Variants in BYSL observed in about 807,000 individuals in gnomAD.
BYSL encodes bystin.
A neutral mutation model predicts 45.4 loss-of-function variants in BYSL; 21 were observed. The observed-to-expected ratio is 0.46, with a 90% CI of 0.33 to 0.67. BYSL has a LOEUF of 0.67. Among genes scored for constraint, BYSL ranks in the 30% least tolerant of loss-of-function variants. The pLI, the probability that BYSL is intolerant of heterozygous loss-of-function variation, is 0.02. For synonymous variants in BYSL, 215 were observed against 231.3 expected (o/e 0.93, Z 0.64); for missense variants, 522 against 578.5 (o/e 0.90, Z 1.00).
intron 1 of BYSL, among the ~76,000 whole-genome samples, chr6:41,925,921 T>G (rs1775558086): frequency 6.6e-6 from 1 of 151,994 alleles, no homozygotes; most frequent in African/African-American, 2.4e-5. Flanking sequence ...CCCAATCTCA[T>G]GATCCACCCG....
At chr6:41,928,587 C>G (rs971094238) in intron 2 of BYSL, among the ~76,000 whole-genome samples, 1 of 152,170 alleles carries the variant, frequency 6.6e-6, no homozygotes, top group African/African-American at 2.4e-5. Flanking sequence ...ATAGAGTAGA[C>G]AAGCTCCTTG....
At chr6:41,921,956 G>A (rs1321248269) in intron 1 of BYSL, 126 bp downstream of exon 1, 1 of 1,349,550 alleles carries the variant, frequency 7.4e-7, no homozygotes, top group Non-Finnish European at 9.8e-7. Context: ...ACTTGCAAAG[G>A]AGACTGAACC....
Position 41,932,986 on chromosome 6 carries a change from T to G in BYSL, c.*280T>G. ...CCCAGCTGGGGCTTGGTGTGAGTAC[T>G]TTTTCTATGGCTATTGTGTCAGGTC... On this transcript the variant is annotated 3_prime_UTR_variant, in exon 7 of 7. Transcript: ENST00000230340. The surrounding 1 kb of genome is among the most constrained non-coding windows in gnomAD (Gnocchi z 4.7). The G allele has an allele frequency of 4.6e-6, 2 of 434,298 alleles. No homozygotes were observed. The highest frequency in any genetic ancestry group is 8.4e-6 in the Non-Finnish European group (2 of 238,820). 26.9% of individuals were successfully genotyped at this position (434,298 alleles called of 1,614,324 possible).
upstream of BYSL, chr6:41,917,743 A>G (rs1775352204): frequency 4.3e-6 from 2 of 470,470 alleles, no homozygotes; most frequent in South Asian, 3.1e-5. Flanking sequence ...CAACTCTTTC[A>G]GTTCTGACTA....
chr6:41,931,817 G>A lies in BYSL; in HGVS notation c.955G>A (p.Val319Met), dbSNP rs1582075178. ...GSIITKCSIP[V>M]LHSSAAMLKI... ...CATCATCACCAAGTGCTCCATCCCT[G>A]TGTTGCACTCCAGGTAGTATTGCTG... Residue 319 changes from valine to methionine, a missense_variant, in exon 6 of 7, where the codon GTG becomes ATG. By Grantham distance (21) the Val-to-Met change is conservative (BLOSUM62 1). Coordinates refer to ENST00000230340, the MANE Select transcript of BYSL (RefSeq NM_004053.4). The A allele has an allele frequency of 5.0e-6, 8 of 1,613,674 alleles. No individual in the cohort carries two copies. The highest frequency in any genetic ancestry group is 2.2e-5 in the East Asian group (1 of 44,870).
upstream of BYSL, among the ~76,000 whole-genome samples, chr6:41,918,824 G>GT (rs1775383281): frequency 1.3e-5 from 2 of 150,260 alleles, no homozygotes. Context: ...GCGGGCGCCT[G>GT]TAGTCCCAGC....
upstream of BYSL, chr6:41,917,570 G>A (rs1165496890): frequency 8.9e-6 from 3 of 338,632 alleles, no homozygotes; most frequent in African/African-American, 4.3e-5. Context: ...GTCCCTGAGA[G>A]CCCCTCTAAG....
At chr6:41,920,998 G>A, upstream of BYSL, 1 of 1,612,606 alleles carries the variant, frequency 6.2e-7, no homozygotes, top group African/African-American at 1.3e-5. Flanking sequence ...ACCCCCTGCA[G>A]TCCTACCAAG....
chr6:41,910,067 A>G, the BYSL span, among the ~76,000 whole-genome samples: 5 of 152,092 alleles, frequency 3.3e-5, no homozygotes, highest in South Asian at 1.0e-3. Context: ...ATGGGATCCA[A>G]GCTGTGATAG....
Position 41,931,769 on chromosome 6 carries a change from C to T in BYSL, c.907C>T (p.Arg303Trp), listed in dbSNP as rs764063989. 13 of 1,613,980 alleles carry T rather than the reference C, an allele frequency of 8.1e-6. No homozygotes were observed. In the East Asian group the frequency reaches 1.3e-4, roughly 17 times the overall value. ...GTGCGAGTCTGGCACTTGTACCCTC[C>T]GGGAAGCCATCATTGTGGGTAGCAT... ...PLCESGTCTL[R>W]EAIIVGSIIT... Residue 303 changes from arginine (R) to tryptophan (W), a missense_variant, in exon 6 of 7, where the codon CGG becomes TGG. Physicochemically the swap from Arg to Trp is moderately radical, Grantham distance 101. Transcript: ENST00000230340.
chr6:41,927,568 T>C, intron 2 of BYSL, 32 bp downstream of exon 2: 2 of 1,606,304 alleles, frequency 1.2e-6, no homozygotes, highest in Non-Finnish European at 1.7e-6. Flanking sequence ...AATGAGTCCT[T>C]GTAGAAAGTT....
chr6:41,931,502 C>T lies in BYSL; in HGVS notation c.811C>T (p.His271Tyr), dbSNP rs776180191. Residue 271 changes from histidine to tyrosine, a missense_variant, in exon 5 of 7, where the codon CAT becomes TAT. Coordinates refer to ENST00000230340, the MANE Select transcript of BYSL (RefSeq NM_004053.4). Reference sequence around the variant, plus strand: ...TGCTGAATACAAACGACTCAACTTCCATCTCTACATGGCTCTCAAGAAGGC... The same window carrying T: ...TGCTGAATACAAACGACTCAACTTCTATCTCTACATGGCTCTCAAGAAGGC... ...DVAEYKRLNF[H>Y]LYMALKKALF... The T allele has an allele frequency of 6.2e-6, 10 of 1,614,168 alleles. No individual in the cohort carries two copies. In the East Asian group the frequency reaches 1.6e-4, roughly 25 times the overall value.
the BYSL span, among the ~76,000 whole-genome samples, chr6:41,911,335 G>A: frequency 6.6e-6 from 1 of 151,666 alleles, no homozygotes; most frequent in South Asian, 2.1e-4. Flanking sequence ...ATTTTTAGTA[G>A]AGACGGGGTT....
chr6:41,927,725 A>T, intron 2 of BYSL, 189 bp downstream of exon 2: 1 of 629,436 alleles, frequency 1.6e-6, no homozygotes, highest in Non-Finnish European at 2.7e-6. Flanking sequence ...GCCTCAAAAA[A>T]CATTGTGTCC....
intron 6 of BYSL, 57 bp downstream of exon 6, chr6:41,931,887 G>A: frequency 6.6e-7 from 1 of 1,522,210 alleles, no homozygotes; most frequent in South Asian, 1.1e-5. Context: ...TAGTGGAATT[G>A]CCAGGACTTG....
chr6:41,909,075 G>T, the BYSL span: 2 of 688,638 alleles, frequency 2.9e-6, no homozygotes, highest in Non-Finnish European at 4.8e-6. Flanking sequence ...TTGGGAGACT[G>T]AGGCGGAAGG....
Position 41,923,670 on chromosome 6 carries a change from A to C in BYSL, c.268+1840A>C, listed in dbSNP as rs1775523023. On this transcript the variant is annotated intron_variant, in intron 1 of 6. Coordinates refer to ENST00000230340, the MANE Select transcript of BYSL (RefSeq NM_004053.4). Reference sequence around the variant, plus strand: ...TTTGGTCTCAAACTCCTGGGCTCAAACGACCCTCCCTGCCTTGGCCTCCCA... The same window carrying C: ...TTTGGTCTCAAACTCCTGGGCTCAACCGACCCTCCCTGCCTTGGCCTCCCA... Among the ~76,000 whole-genome samples, 4 of 152,144 alleles carry C rather than the reference A, an allele frequency of 2.6e-5. No homozygotes were observed. In the South Asian group the frequency reaches 8.3e-4, roughly 32 times the overall value.
At chr6:41,926,728 C>T (rs1473452965) in intron 1 of BYSL, among the ~76,000 whole-genome samples, 9 of 150,506 alleles carry the variant, frequency 6.0e-5, no homozygotes, top group South Asian at 2.1e-4. Flanking sequence ...GGATTACAGG[C>T]GTGAGCCACC....
At chr6:41,931,706 G>T in intron 5 of BYSL, 22 bp from the exon 6 acceptor site, 1 of 1,610,952 alleles carries the variant, frequency 6.2e-7, no homozygotes, top group Non-Finnish European at 8.5e-7. Flanking sequence ...GCTCACAGTG[G>T]CTGCCCTTTG....
Sources: gnomAD v4.1 joint callset for allele counts (sites outside exome capture counted in the v4.1 genomes callset) on GRCh38, gnomAD v4.1.1 for gene constraint, Gnocchi (gnomAD v3.1) non-coding constraint, MANE v1.5 for transcripts, NCBI Gene and HGNC (gene_info 2026-07-23, HGNC 2026-07-21) for gene names.